Variants in E2F3 observed in about 807,000 individuals in gnomAD.
The protein encoded by E2F3 is transcription factor E2F3.
E2F3 carries 11 observed loss-of-function variants against 44.4 expected under a neutral mutation model. The observed-to-expected ratio is 0.25, with a 90% confidence interval of 0.16 to 0.41. The LOEUF is 0.41. E2F3 is among the 10% of genes least tolerant of loss of function. The pLI is 1.00. For missense variants in E2F3, 487 were observed against 583.6 expected (o/e 0.83, Z 1.70); for synonymous variants, 249 against 253.0 (o/e 0.98, Z 0.15).
chr6:20,437,107 C>T (rs370771699), intron 1 of E2F3, among the ~76,000 whole-genome samples: 5 of 152,104 alleles, frequency 3.3e-5, no homozygotes, highest in Admixed American at 6.5e-5. Flanking sequence ...CCAGCTTGGG[C>T]GCAGAGTAAG....
chr6:20,467,458 GA>G (rs1308806465), intron 1 of E2F3, among the ~76,000 whole-genome samples: 2 of 152,142 alleles, frequency 1.3e-5, no homozygotes, highest in South Asian at 2.1e-4. Flanking sequence ...GGAAGCTGAT[GA>G]TACCAATCTA....
At chr6:20,403,222 G>A (rs1164466791) in intron 1 of E2F3, among the ~76,000 whole-genome samples, 2 of 152,046 alleles carry the variant, frequency 1.3e-5, no homozygotes, top group Non-Finnish European at 2.9e-5. Flanking sequence ...AGGGGAGTCG[G>A]GCGTGGGGGA....
At chr6:20,469,188 G>T (rs1251331446) in intron 1 of E2F3, among the ~76,000 whole-genome samples, 1 of 152,206 alleles carries the variant, frequency 6.6e-6, no homozygotes, top group Non-Finnish European at 1.5e-5. Flanking sequence ...ATTTGATACT[G>T]CAGTGAATAC....
At chr6:20,406,717 G>A (rs1265635669) in intron 1 of E2F3, among the ~76,000 whole-genome samples, 2 of 152,148 alleles carry the variant, frequency 1.3e-5, no homozygotes, top group South Asian at 2.1e-4. Flanking sequence ...GTTCCACTCC[G>A]TCCATGATTC....
In E2F3 at chr6:20,402,572, C is replaced by A. The variant is rs762613834; in HGVS notation, c.340C>A (p.Gln114Lys). 1 of 1,519,254 alleles carries A rather than the reference C, an allele frequency of 6.6e-7. No individual in the cohort carries two copies. The highest frequency in any genetic ancestry group is 1.2e-5 in the South Asian group (1 of 82,724). 94.1% of individuals were successfully genotyped at this position (1,519,254 alleles called of 1,614,324 possible). Residue 114 changes from glutamine to lysine, a missense_variant, in exon 1 of 7, where the codon CAG (glutamine) becomes AAG (lysine). This residue lies in a region of E2F3 where 238 missense variants were observed against 236.0 expected (regional missense o/e 1.01). Coordinates refer to ENST00000346618, the MANE Select transcript of E2F3 (RefSeq NM_001949.5). This position sits in a 1 kb window ranked among gnomAD's most constrained non-coding sequence, Gnocchi z 5.6. ...HGPSSRAGLL[Q>K]QPPALGRGGS... Reference sequence around the variant, plus strand: ...ACCCTCCAGCAGAGCCGGGCTGCTGCAGCAGCCACCAGCGCTGGGACGCGG... The same window carrying A: ...ACCCTCCAGCAGAGCCGGGCTGCTGAAGCAGCCACCAGCGCTGGGACGCGG...
At chr6:20,441,784 T>G (rs1760783677) in intron 1 of E2F3, among the ~76,000 whole-genome samples, 1 of 150,064 alleles carries the variant, frequency 6.7e-6, no homozygotes, top group Admixed American at 6.7e-5. Flanking sequence ...GCCAGGCTGG[T>G]CTCGAACTCC....
chr6:20,466,461 G>GTATT, intron 1 of E2F3, among the ~76,000 whole-genome samples: 1 of 152,262 alleles, frequency 6.6e-6, no homozygotes, highest in South Asian at 2.1e-4. Flanking sequence ...AAGTAAGGTA[G>GTATT]TATTGCATGG....
At chr6:20,477,831 G>A (rs1762095763) in intron 1 of E2F3, among the ~76,000 whole-genome samples, 1 of 152,156 alleles carries the variant, frequency 6.6e-6, no homozygotes, top group Admixed American at 6.5e-5. Flanking sequence ...TGTGGTGAAA[G>A]AAAAGAGGAG....
chr6:20,454,425 A>G (rs1465187458), intron 1 of E2F3, among the ~76,000 whole-genome samples: 1 of 152,188 alleles, frequency 6.6e-6, no homozygotes, highest in Non-Finnish European at 1.5e-5. Context: ...TGACATGTAA[A>G]AATGTAGACT....
In E2F3 at chr6:20,481,249, T is replaced by C. The variant is rs1182919459; in HGVS notation, c.549T>C (p.Leu183=). 1 of 1,614,128 alleles carries C rather than the reference T, an allele frequency of 6.2e-7. No homozygotes were observed. The highest frequency in any genetic ancestry group is 1.1e-5 in the South Asian group (1 of 91,078). ...AAAAAACGCGGTATGATACGTCTCT[T>C]GGTCTGCTCACCAAGAAGTTCATTC... The part of the protein sequence containing the change: ...PSEKTRYDTS[L]GLLTKKFIQL... The change falls in exon 3 of 7, where the codon CTT becomes CTC. Residue 183 remains leucine, a synonymous_variant. Coordinates refer to ENST00000346618, the MANE Select transcript of E2F3 (RefSeq NM_001949.5).
At chr6:20,479,453 G>C (rs1762149625) in intron 1 of E2F3, among the ~76,000 whole-genome samples, 2 of 152,226 alleles carry the variant, frequency 1.3e-5, no homozygotes, top group Non-Finnish European at 2.9e-5. Context: ...ACCCAGGTCG[G>C]AGAATGGGAG....
chr6:20,432,696 G>A (rs1446688345), intron 1 of E2F3, among the ~76,000 whole-genome samples: 1 of 152,166 alleles, frequency 6.6e-6, no homozygotes, highest in Non-Finnish European at 1.5e-5. Flanking sequence ...GGGAAGGTTA[G>A]GGGAGAGGTG....
At chr6:20,415,182 G>T (rs568784935) in intron 1 of E2F3, among the ~76,000 whole-genome samples, 17 of 152,332 alleles carry the variant, frequency 1.1e-4, no homozygotes, top group African/African-American at 3.8e-4. Flanking sequence ...GGCTACTAAG[G>T]TGTCCTTCTG....
At chr6:20,474,225 A>G (rs936484663) in intron 1 of E2F3, among the ~76,000 whole-genome samples, 7 of 152,024 alleles carry the variant, frequency 4.6e-5, no homozygotes, top group African/African-American at 1.7e-4. Flanking sequence ...GCGCATTACC[A>G]TTGCACCCAG....
intron 1 of E2F3, among the ~76,000 whole-genome samples, chr6:20,461,653 ATGCCGTATACAT>A (rs1274244430): frequency 3.1e-4 from 47 of 152,238 alleles, no homozygotes; most frequent in Non-Finnish European, 2.9e-5. Context: ...TTATAAAAAG[ATGCCGTATACAT>A]TCTGAGGTTT....
chr6:20,410,697 C>A (rs1759642843), intron 1 of E2F3, among the ~76,000 whole-genome samples: 1 of 152,216 alleles, frequency 6.6e-6, no homozygotes. Context: ...TGGCTCACCG[C>A]AACCTCTGCC....
At chr6:20,429,641 G>C (rs1760331899) in intron 1 of E2F3, among the ~76,000 whole-genome samples, 1 of 151,914 alleles carries the variant, frequency 6.6e-6, no homozygotes, top group East Asian at 1.9e-4. Flanking sequence ...AGAGGAAACT[G>C]TTTCTGTTCT....
chr6:20,423,090 A>T (rs551436435), intron 1 of E2F3, among the ~76,000 whole-genome samples: 1 of 152,168 alleles, frequency 6.6e-6, no homozygotes, highest in Admixed American at 6.5e-5. Context: ...TGATTTTTCT[A>T]TGATGTATTT....
At chr6:20,413,767 C>T (rs1038228247) in intron 1 of E2F3, among the ~76,000 whole-genome samples, 4 of 152,074 alleles carry the variant, frequency 2.6e-5, no homozygotes, top group African/African-American at 4.8e-5. Context: ...AATGTGAATA[C>T]GAGGACCAGA....
Sources: allele counts gnomAD v4.1 joint callset (sites outside exome capture counted in the v4.1 genomes callset), GRCh38; gene constraint gnomAD v4.1.1; regional missense constraint gnomAD v4.1.1; non-coding constraint Gnocchi (gnomAD v3.1); transcripts MANE v1.5; gene names NCBI Gene and HGNC (gene_info 2026-07-23, HGNC 2026-07-21).